KATNBL1: variants seen among roughly 807,000 people sequenced by gnomAD.
The protein encoded by KATNBL1 is katanin regulatory subunit B1 like 1.
In KATNBL1, 28 loss-of-function variants were observed where a neutral mutation model predicts 44.7. The observed-to-expected ratio is 0.63, with a 90% CI of 0.46 to 0.86. KATNBL1 has a LOEUF of 0.86. KATNBL1 is among the 40% of genes least tolerant of loss of function. KATNBL1 has a pLI of 0.00. For synonymous variants in KATNBL1, 78 were observed against 114.9 expected, an observed-to-expected ratio of 0.68 and a Z score of 2.06; for missense variants, 272 against 350.7, an observed-to-expected ratio of 0.78 and a Z score of 1.79.
intron 1 of KATNBL1, among the ~76,000 whole-genome samples, chr15:34,182,389 G>A (rs74992134): frequency 0.1 from 15,632 of 151,986 alleles, 1,043 homozygotes; most frequent in Non-Finnish European, 0.15. Flanking sequence ...ATACAATTAC[G>A]GTGTTCTGGA....
chr15:34,145,555 A>G lies in KATNBL1; in HGVS notation c.789-64T>C, dbSNP rs1303519131. On this transcript the variant is annotated intron_variant, in intron 8 of 9. Coordinates refer to ENST00000256544, the MANE Select transcript of KATNBL1 (RefSeq NM_024713.3). ...ACATTAAGATACAAACTTTCATCAT[A>G]AATATGCATAATAAAAACTGTTCTA... The G allele has an allele frequency of 4.7e-6, 6 of 1,267,324 alleles. No homozygotes were observed. The South Asian group carries it at 1.3e-4, about 28-fold the overall frequency. The allele number at this position is 1,267,324 out of a possible 1,614,324, so 78.5% of individuals were successfully genotyped here. A position where few individuals can be genotyped will look rare whatever the true frequency, so the allele number is the denominator to read the frequency against.
At chr15:34,199,684 G>C (rs1415835440) in intron 1 of KATNBL1, 1 of 152,250 alleles carries the variant, frequency 6.6e-6, no homozygotes, top group African/African-American at 2.4e-5. Context: ...TGTTCCTTCC[G>C]ATGTGTCCGG....
chr15:34,192,457 C>A (rs1208759564), intron 1 of KATNBL1, among the ~76,000 whole-genome samples: 1 of 151,612 alleles, frequency 6.6e-6, no homozygotes. Flanking sequence ...AATAGGATAC[C>A]AGACTATTTC....
chr15:34,151,658 G>A (rs1888482781), intron 4 of KATNBL1, among the ~76,000 whole-genome samples: 1 of 151,750 alleles, frequency 6.6e-6, no homozygotes, highest in Non-Finnish European at 1.5e-5. Flanking sequence ...TGCCATGTTG[G>A]CCAGGCGAGT....
At chr15:34,202,788 C>T (rs1384479183) in intron 1 of KATNBL1, among the ~76,000 whole-genome samples, 3 of 152,076 alleles carry the variant, frequency 2.0e-5, no homozygotes, top group Non-Finnish European at 2.9e-5. Context: ...GTCCGGAGTT[C>T]GAGACCAGCC....
intron 1 of KATNBL1, among the ~76,000 whole-genome samples, chr15:34,194,302 AT>A (rs909755994): frequency 1.3e-5 from 2 of 151,414 alleles, no homozygotes; most frequent in African/African-American, 4.9e-5. Context: ...ATGTTAAAAG[AT>A]TTTTTTTTGA....
chr15:34,180,355 T>G (rs1294068789), intron 1 of KATNBL1, among the ~76,000 whole-genome samples: 3 of 152,210 alleles, frequency 2.0e-5, no homozygotes, highest in Non-Finnish European at 2.9e-5. Flanking sequence ...AAGCCAACTC[T>G]AAAGACATTG....
intron 2 of KATNBL1, among the ~76,000 whole-genome samples, chr15:34,155,596 C>G (rs1888614359): frequency 6.6e-6 from 1 of 152,174 alleles, no homozygotes; most frequent in African/African-American, 2.4e-5. Flanking sequence ...CTTTGTTATA[C>G]TTTCATCAGG....
intron 2 of KATNBL1, among the ~76,000 whole-genome samples, chr15:34,158,981 C>A (rs1888718237): frequency 6.6e-6 from 1 of 152,168 alleles, no homozygotes; most frequent in African/African-American, 2.4e-5. Context: ...AGGAAACCTG[C>A]TGGGTTAAGC....
rs554174992 is a variant in KATNBL1 at position 34,197,185 on chromosome 15, A to G, written c.-15+12766T>C. ...ACCTTTGAAAATCTGACAAACGATG[A>G]ACAATGTCATGTTTTAGTTTGCTTT... On this transcript the variant is annotated intron_variant, in intron 1 of 9. Transcript: ENST00000256544. Among the ~76,000 whole-genome samples the G allele has an allele frequency of 8.5e-5, 13 of 152,376 alleles. No homozygotes were observed. In the South Asian group the frequency reaches 1.7e-3, roughly 19 times the overall value.
At chr15:34,177,748 C>T (rs1216419481) in intron 1 of KATNBL1, 1 of 151,764 alleles carries the variant, frequency 6.6e-6, no homozygotes, top group Non-Finnish European at 1.5e-5. Flanking sequence ...GTTTGTAACA[C>T]CTTAAGTTAT....
chr15:34,192,575 T>C (rs1262767287), intron 1 of KATNBL1, among the ~76,000 whole-genome samples: 1 of 152,158 alleles, frequency 6.6e-6, no homozygotes, highest in Non-Finnish European at 1.5e-5. Flanking sequence ...GGTGGTGGTC[T>C]CTTCAATGAC....
In KATNBL1 at chr15:34,142,266, CT is replaced by C. The variant is rs3028163; in HGVS notation, c.*72del. On this transcript the variant is annotated 3_prime_UTR_variant, in exon 10 of 10. Transcript: ENST00000256544. ...CACAGTTCACAGTTCTCAGACGAGA[CT>C]TTTTTTTTTTGTAAATTATACAGTT... 0.58 allele frequency: 696,276 copies of C among 1,200,998 alleles called. 172,990 individuals are homozygous for C. The highest frequency in any genetic ancestry group is 0.69 in the East Asian group (22,784 of 33,120). The allele number at this position is 1,200,998 out of a possible 1,614,324, so 74.4% of individuals were successfully genotyped here.
intron 1 of KATNBL1, among the ~76,000 whole-genome samples, chr15:34,164,083 G>A (rs141742134): frequency 0.031 from 4,768 of 152,086 alleles, 245 homozygotes; most frequent in African/African-American, 0.11. Context: ...CAGTAGAGAC[G>A]GGGTTTCACC....
In KATNBL1 at chr15:34,184,576, C is replaced by T. The variant is rs373349350; in HGVS notation, c.-14-20886G>A. On this transcript the variant is annotated intron_variant, in intron 1 of 9. Coordinates refer to ENST00000256544, the MANE Select transcript of KATNBL1 (RefSeq NM_024713.3). ...ATACTTCCTGTCTCTCCTAATGTTT[C>T]TTTTTTTTTTTTTTGAGACAGAGTC... 5.5e-4 allele frequency among the ~76,000 whole-genome samples: 52 copies of T among 95,226 alleles called. 2 individuals are homozygous for T. Among genetic ancestry groups the T allele is most frequent in the South Asian group, 1.5e-3 (4 of 2,746 alleles). The allele number at this position is 95,226 out of a possible 152,430, so 62.5% of individuals were successfully genotyped here. A position where few individuals can be genotyped will look rare whatever the true frequency, so the allele number is the denominator to read the frequency against.
intron 2 of KATNBL1, among the ~76,000 whole-genome samples, chr15:34,163,202 C>T (rs1340551308): frequency 1.3e-5 from 2 of 151,990 alleles, no homozygotes; most frequent in African/African-American, 4.8e-5. Context: ...CACCACCATG[C>T]CCAGATAATT....
At chr15:34,156,719 C>T (rs1415168926) in intron 2 of KATNBL1, among the ~76,000 whole-genome samples, 1 of 152,070 alleles carries the variant, frequency 6.6e-6, no homozygotes, top group African/African-American at 2.4e-5. Context: ...AAACCTCAGC[C>T]CCCATATTAT....
At chr15:34,209,604 C>T in intron 1 of KATNBL1, 1 of 152,368 alleles carries the variant, frequency 6.6e-6, no homozygotes, top group Non-Finnish European at 1.5e-5. Flanking sequence ...CTCAAAAATG[C>T]TCGCCCCACA....
intron 1 of KATNBL1, among the ~76,000 whole-genome samples, chr15:34,198,850 T>C (rs1337301185): frequency 6.6e-6 from 1 of 152,238 alleles, no homozygotes; most frequent in African/African-American, 2.4e-5. Flanking sequence ...ACTGTACTTT[T>C]TATAAAATAT....
Sources: gnomAD v4.1 joint callset for allele counts (sites outside exome capture counted in the v4.1 genomes callset) on GRCh38, gnomAD v4.1.1 for gene constraint, MANE v1.5 for transcripts, NCBI Gene and HGNC (gene_info 2026-07-23, HGNC 2026-07-21) for gene names.